The following NME7 variants were observed in gnomAD, a reference collection of about 807,000 sequenced individuals.
The protein encoded by NME7 is NME/NM23 family member 7.
Under a neutral mutation model 49.1 loss-of-function variants are expected in NME7, and 41 were observed. That is an observed-to-expected ratio of 0.83 (90% CI 0.65 to 1.08). The LOEUF is 1.08. NME7 is among the 50% of genes least tolerant of loss of function. The pLI is 0.00. For missense variants in NME7, 423 were observed against 463.4 expected (o/e 0.91, Z 0.80); for synonymous variants, 139 against 150.6 (o/e 0.92, Z 0.56).
chr1:169,261,741 T>C (rs535613519), intron 7 of NME7, among the ~76,000 whole-genome samples: 1 of 133,786 alleles, frequency 7.5e-6, no homozygotes, highest in Admixed American at 7.4e-5. Context: ...ACTGGGTGTT[T>C]ATCAGGAAAA....
At chr1:169,300,031 A>G (rs889798330) in intron 5 of NME7, among the ~76,000 whole-genome samples, 4 of 152,174 alleles carry the variant, frequency 2.6e-5, no homozygotes, top group African/African-American at 9.6e-5. Flanking sequence ...ACACAATTGA[A>G]TAAGCCTATG....
intron 1 of NME7, among the ~76,000 whole-genome samples, chr1:169,346,294 C>T (rs1652948876): frequency 6.6e-6 from 1 of 152,164 alleles, no homozygotes; most frequent in Non-Finnish European, 1.5e-5. Context: ...CCACAAAGCC[C>T]TCCAAGATCT....
At position 169,258,401 on chromosome 1, in the gene NME7, T is replaced by TACAC. The variant is rs1209836624; in HGVS notation, c.755-20715_755-20714insGTGT. On this transcript the variant is annotated intron_variant, in intron 7 of 11. Coordinates refer to ENST00000367811, the MANE Select transcript of NME7 (RefSeq NM_013330.5). ...ATATATATATATATATATATATATA[T>TACAC]ATATACACACACACACACACACATA... Among the ~76,000 whole-genome samples, 21 of 68,554 alleles carry TACAC rather than the reference T, an allele frequency of 3.1e-4. 1 individual carries two copies. The highest frequency in any genetic ancestry group is 1.1e-3 in the African/African-American group (20 of 18,116). The allele number at this position is 68,554 out of a possible 152,430, so 45.0% of individuals were successfully genotyped here. A position where few individuals can be genotyped will look rare whatever the true frequency, so the allele number is the denominator to read the frequency against.
chr1:169,297,497 CTTT>C (rs1294898532), intron 6 of NME7, among the ~76,000 whole-genome samples: 7 of 152,180 alleles, frequency 4.6e-5, no homozygotes, highest in Non-Finnish European at 1.0e-4. Context: ...ACACTGTCCT[CTTT>C]GCTGTTAGTT....
At chr1:169,156,757 A>C (rs1320950531) in intron 11 of NME7, among the ~76,000 whole-genome samples, 3 of 152,202 alleles carry the variant, frequency 2.0e-5, no homozygotes, top group Non-Finnish European at 4.4e-5. Context: ...ATGCCCCACT[A>C]TGACGGGATA....
chr1:169,190,599 A>C (rs1237969593), intron 10 of NME7: 1 of 423,320 alleles, frequency 2.4e-6, no homozygotes. Flanking sequence ...TGAAAGTGTT[A>C]TTTTTATAAC....
rs117386314 is a variant in NME7, at chr1:169,170,762, C to G, written c.991-1208G>C. Among the ~76,000 whole-genome samples the G allele has an allele frequency of 4.8e-4, 73 of 152,040 alleles. 1 individual carries two copies. In the East Asian group the frequency reaches 8.9e-3, roughly 19 times the overall value. On this transcript the variant is annotated intron_variant, in intron 10 of 11. Transcript: ENST00000367811. The stretch of plus-strand genomic sequence containing the variant: ...AAGCCCTGTCTCAACATGGTGAAAC[C>G]CTGTCTCTACAAAAATTAGCTGGGC...
chr1:169,312,776 A>C (rs1327747826), intron 3 of NME7, among the ~76,000 whole-genome samples: 2 of 152,228 alleles, frequency 1.3e-5, no homozygotes, highest in Non-Finnish European at 2.9e-5. Flanking sequence ...AAAGTCTTAG[A>C]TAGTACAGTG....
chr1:169,315,871 C>T (rs924545356), intron 3 of NME7, among the ~76,000 whole-genome samples: 2 of 151,842 alleles, frequency 1.3e-5, no homozygotes, highest in African/African-American at 4.8e-5. Flanking sequence ...GAAATTTATA[C>T]CCTTAATTGC....
chr1:169,320,530 G>A (rs1651815166), intron 3 of NME7, among the ~76,000 whole-genome samples: 1 of 152,056 alleles, frequency 6.6e-6, no homozygotes. Context: ...AGACTAAATC[G>A]GTTGTTACAT....
intron 7 of NME7, among the ~76,000 whole-genome samples, chr1:169,245,505 T>C (rs550052203): frequency 1.3e-5 from 2 of 152,100 alleles, no homozygotes; most frequent in African/African-American, 4.8e-5. Context: ...AATGAAAAAA[T>C]GTCAACAAGG....
intron 2 of NME7, 92 bp from the exon 3 acceptor site, chr1:169,323,375 T>G (rs542881006): frequency 3.1e-5 from 33 of 1,052,844 alleles, no homozygotes; most frequent in Non-Finnish European, 1.0e-5. Flanking sequence ...AATTCTTAAT[T>G]CTGTCTTATC....
At position 169,271,388 on chromosome 1, in the gene NME7, AC is replaced by A. The variant is rs1649487383; in HGVS notation, c.754+15914del. Among the ~76,000 whole-genome samples, 3 of 133,716 alleles carry A rather than the reference AC, an allele frequency of 2.2e-5. 1 individual carries two copies. Among genetic ancestry groups the A allele is most frequent in the African/African-American group, 7.6e-5 (3 of 39,686 alleles). The allele number at this position is 133,716 out of a possible 152,430, so 87.7% of individuals were successfully genotyped here. On this transcript the variant is annotated intron_variant, in intron 7 of 11. Transcript: ENST00000367811. Reference sequence around the variant, plus strand: ...AGTCCCCTTTCACAGTACTCCCTCTACTGCTCAAACAACTCATTTATCAAAC... The same window carrying A: ...AGTCCCCTTTCACAGTACTCCCTCTATGCTCAAACAACTCATTTATCAAAC...
intron 1 of NME7, among the ~76,000 whole-genome samples, chr1:169,347,017 A>T (rs1287273590): frequency 1.3e-5 from 2 of 152,136 alleles, no homozygotes; most frequent in Non-Finnish European, 2.9e-5. Context: ...TCCTTATAGA[A>T]TGTAAAAATA....
At chr1:169,138,650 T>G (rs1658501801) in intron 11 of NME7, among the ~76,000 whole-genome samples, 1 of 152,056 alleles carries the variant, frequency 6.6e-6, no homozygotes. Flanking sequence ...GCCTGGGAAG[T>G]CGAGGATGTA....
chr1:169,307,477 A>AT (rs530833073), intron 4 of NME7, among the ~76,000 whole-genome samples: 17 of 152,220 alleles, frequency 1.1e-4, no homozygotes, highest in Non-Finnish European at 1.8e-4. Flanking sequence ...AGAATGAAGT[A>AT]TTTCAAAAGG....
chr1:169,325,783 AT>A (rs1652039244), intron 1 of NME7, among the ~76,000 whole-genome samples: 1 of 152,156 alleles, frequency 6.6e-6, no homozygotes, highest in African/African-American at 2.4e-5. Context: ...TGACACTTTT[AT>A]TTTTAAGACA....
intron 10 of NME7, among the ~76,000 whole-genome samples, chr1:169,210,107 C>T (rs1660769182): frequency 6.6e-6 from 1 of 152,104 alleles, no homozygotes; most frequent in Non-Finnish European, 1.5e-5. Flanking sequence ...CCAACACCCA[C>T]AGTGTATTTA....
At chr1:169,332,998 A>G (rs1469625419) in intron 1 of NME7, among the ~76,000 whole-genome samples, 1 of 152,216 alleles carries the variant, frequency 6.6e-6, no homozygotes, top group Non-Finnish European at 1.5e-5. Flanking sequence ...TTGAAGAGAT[A>G]TCTGCACTCC....
Sources: allele counts gnomAD v4.1 joint callset (sites outside exome capture counted in the v4.1 genomes callset), GRCh38; gene constraint gnomAD v4.1.1; transcripts MANE v1.5; gene names NCBI Gene and HGNC (gene_info 2026-07-23, HGNC 2026-07-21).